Variants in BLTP1 observed in about 807,000 individuals in gnomAD.
The protein encoded by BLTP1 is fragile site-associated protein.
the BLTP1 span, chr4:122,304,966 CA>C: frequency 1.2e-6 from 2 of 1,613,630 alleles, no homozygotes; most frequent in Non-Finnish European, 1.7e-6. Context: ...GGCATTAGGA[CA>C]AATTGTCAAA....
chr4:122,331,602 A>G, the BLTP1 span: 9 of 1,520,556 alleles, frequency 5.9e-6, no homozygotes, highest in Admixed American at 2.1e-5. Flanking sequence ...CTATTCATAT[A>G]TCACTGAATT....
chr4:122,261,673 G>GT, the BLTP1 span: 1 of 985,036 alleles, frequency 1.0e-6, no homozygotes. Context: ...TAGAAGTTAG[G>GT]TAGATGGGTT....
chr4:122,192,159 A>G, the BLTP1 span: 217 of 1,524,608 alleles, frequency 1.4e-4, no homozygotes, highest in Middle Eastern at 3.5e-4. Flanking sequence ...TGTTGGAGCT[A>G]CTGATCTAAG....
At chr4:122,280,122 T>C in the BLTP1 span, 1 of 1,503,124 alleles carries the variant, frequency 6.7e-7, no homozygotes, top group Middle Eastern at 2.5e-4. Context: ...AAGAGGAGAG[T>C]AGCCAATTGT....
At chr4:122,204,439 T>C in the BLTP1 span, 1 of 834,170 alleles carries the variant, frequency 1.2e-6, no homozygotes. Context: ...TAGCTGTTAT[T>C]ACTATCCCTG....
At chr4:122,361,040 A>T in the BLTP1 span, among the ~76,000 whole-genome samples, 7 of 152,304 alleles carry the variant, frequency 4.6e-5, no homozygotes, top group African/African-American at 1.4e-4. Context: ...TCTCTGCCTC[A>T]GTTGACTCAT....
the BLTP1 span, among the ~76,000 whole-genome samples, chr4:122,279,155 G>A: frequency 1.3e-5 from 2 of 152,194 alleles, no homozygotes; most frequent in African/African-American, 2.4e-5. Context: ...GGCACCCATC[G>A]AGTGGAAAAG....
the BLTP1 span, chr4:122,330,859 T>C: frequency 3.3e-6 from 1 of 300,328 alleles, no homozygotes; most frequent in Non-Finnish European, 4.9e-6. Context: ...CTTTAATCCA[T>C]TTTGAGTTGA....
At chr4:122,314,852 A>G in the BLTP1 span, among the ~76,000 whole-genome samples, 1 of 152,156 alleles carries the variant, frequency 6.6e-6, no homozygotes, top group Non-Finnish European at 1.5e-5. Context: ...CTACAGTTAA[A>G]CTTAGGAATG....
chr4:122,285,287 A>G, the BLTP1 span, among the ~76,000 whole-genome samples: 3 of 152,196 alleles, frequency 2.0e-5, no homozygotes, highest in Non-Finnish European at 2.9e-5. Context: ...TATACTAGTA[A>G]TAAGGGATGA....
chr4:122,164,765 T>A, the BLTP1 span, among the ~76,000 whole-genome samples: 949 of 152,270 alleles, frequency 6.2e-3, 8 homozygotes, highest in African/African-American at 0.022. Context: ...TTTTATTTTT[T>A]TTTTTGCATT....
chr4:122,273,356 A>G, the BLTP1 span: 6 of 984,622 alleles, frequency 6.1e-6, no homozygotes, highest in Non-Finnish European at 7.2e-6. Context: ...TGAACCACAC[A>G]CACGGTTCTC....
chr4:122,220,479 A>G, the BLTP1 span: 1 of 1,599,570 alleles, frequency 6.3e-7, no homozygotes, highest in African/African-American at 1.3e-5. Flanking sequence ...AGGTAAGGTG[A>G]AAATGAAATA....
the BLTP1 span, chr4:122,172,532 A>G: frequency 3.5e-3 from 587 of 167,850 alleles, 8 homozygotes; most frequent in African/African-American, 0.013. Flanking sequence ...CAGGTGGCCT[A>G]TTTGATATGC....
At chr4:122,164,523 T>C in the BLTP1 span, 1 of 635,298 alleles carries the variant, frequency 1.6e-6, no homozygotes, top group Admixed American at 6.3e-5. Flanking sequence ...ATTAAGAGGC[T>C]CACAGTTTTG....
chr4:122,160,305 C>G, the BLTP1 span, among the ~76,000 whole-genome samples: 57,976 of 151,944 alleles, frequency 0.38, 11,102 homozygotes, highest in Middle Eastern at 0.59. Context: ...AGATATCTTT[C>G]CATTCTTAAG....
chr4:122,277,024 T>C, the BLTP1 span: 4 of 984,832 alleles, frequency 4.1e-6, no homozygotes, highest in East Asian at 3.4e-4. Flanking sequence ...GTATTTTGTG[T>C]ATTTTGCCAA....
chr4:122,227,731 C>T, the BLTP1 span: 1 of 152,824 alleles, frequency 6.5e-6, no homozygotes, highest in Non-Finnish European at 1.5e-5. Flanking sequence ...ATAAAGGAAA[C>T]AGCTATACTT....
chr4:122,329,874 G>C, the BLTP1 span, among the ~76,000 whole-genome samples: 2 of 151,374 alleles, frequency 1.3e-5, no homozygotes, highest in African/African-American at 2.4e-5. Flanking sequence ...GATTAGCAAC[G>C]GCCAACCTCC....
Sources: gnomAD v4.1 joint callset for allele counts (sites outside exome capture counted in the v4.1 genomes callset) on GRCh38, gnomAD v4.1.1 for gene constraint, MANE v1.5 for transcripts, NCBI Gene and HGNC (gene_info 2026-07-23, HGNC 2026-07-21) for gene names.